CLVS1: variants seen among roughly 807,000 people sequenced by gnomAD.
The protein encoded by CLVS1 is clavesin-1.
CLVS1 carries 10 observed loss-of-function variants against 33.1 expected under a neutral mutation model. That is an observed-to-expected ratio of 0.30 (90% CI 0.19 to 0.51). The LOEUF is 0.51. Ranked by LOEUF, CLVS1 falls within the 20% of genes least tolerant of loss-of-function variation. The pLI, the probability that CLVS1 is intolerant of heterozygous loss-of-function variation, is 0.97. For synonymous variants in CLVS1, 163 were observed against 166.1 expected (o/e 0.98, Z 0.14); for missense variants, 343 against 433.4 (o/e 0.79, Z 1.85).
At chr8:61,499,407 C>T (rs1383982095) in intron 5 of CLVS1, 48 bp from the exon 6 acceptor site, 2 of 1,370,696 alleles carry the variant, frequency 1.5e-6, no homozygotes, top group South Asian at 2.3e-5. Flanking sequence ...CCAAAATTGT[C>T]ACCATGAATT....
At chr8:61,369,936 A>T (rs1358298831) in intron 2 of CLVS1, among the ~76,000 whole-genome samples, 2 of 152,210 alleles carry the variant, frequency 1.3e-5, no homozygotes. Flanking sequence ...GGCAAAGCAC[A>T]CTCTGAAACT....
At chr8:61,163,175 A>T (rs1402647212) in intron 2 of CLVS1, among the ~76,000 whole-genome samples, 1 of 152,170 alleles carries the variant, frequency 6.6e-6, no homozygotes. Flanking sequence ...GAGACCAGAG[A>T]CACTGCACAG....
intron 2 of CLVS1, among the ~76,000 whole-genome samples, chr8:61,281,626 G>T (rs754046217): frequency 6.6e-6 from 1 of 152,118 alleles, no homozygotes; most frequent in Non-Finnish European, 1.5e-5. Flanking sequence ...GTATTTTGTC[G>T]TGGCAACCCT....
rs375025925 is a variant in CLVS1 at position 61,447,031 on chromosome 8, T to C, written c.631-7110T>C. Among the ~76,000 whole-genome samples, 8 of 152,186 alleles carry C rather than the reference T, an allele frequency of 5.3e-5. 1 individual carries two copies. The highest frequency in any genetic ancestry group is 2.0e-4 in the Admixed American group (3 of 15,268). ...ATTGTTTATCTTTGTGTATGTTCTA[T>C]GTGCACTTGAAAAACAAAGTATATT... On this transcript the variant is annotated intron_variant, in intron 3 of 5. Coordinates refer to ENST00000325897, the MANE Select transcript of CLVS1 (RefSeq NM_173519.3).
intron 2 of CLVS1, among the ~76,000 whole-genome samples, chr8:61,268,186 TC>T: frequency 9.2e-6 from 1 of 109,186 alleles, no homozygotes; most frequent in Non-Finnish European, 1.7e-5. Context: ...CCCACAACAG[TC>T]CCCGGAGTGT....
intron 2 of CLVS1, among the ~76,000 whole-genome samples, chr8:61,267,618 T>A (rs1809337862): frequency 6.6e-6 from 1 of 152,226 alleles, no homozygotes; most frequent in Non-Finnish European, 1.5e-5. Context: ...AGCTGTGATT[T>A]AAAAAGCAAA....
rs1275651562 is a variant in CLVS1, at chr8:61,477,923, T to C, written c.977+19381T>C. Among the ~76,000 whole-genome samples the C allele has an allele frequency of 2.6e-5, 4 of 152,284 alleles. No homozygotes were observed. In the East Asian group the frequency reaches 5.8e-4, roughly 22 times the overall value. On this transcript the variant is annotated intron_variant, in intron 5 of 5. Coordinates refer to ENST00000325897, the MANE Select transcript of CLVS1 (RefSeq NM_173519.3). ...CAATTTTAGATCTTTTCTGCTTTCT[T>C]TTGTGGGCATTTAGTGCTATAAATT... is the stretch of plus-strand genomic sequence containing the variant.
chr8:61,480,296 C>T (rs1022146662), intron 5 of CLVS1, among the ~76,000 whole-genome samples: 1 of 152,218 alleles, frequency 6.6e-6, no homozygotes, highest in Non-Finnish European at 1.5e-5. Context: ...GCACCCCTCC[C>T]CCAGCCTCGC....
intron 2 of CLVS1, among the ~76,000 whole-genome samples, chr8:61,353,246 AT>A (rs1463725885): frequency 2.6e-5 from 4 of 152,062 alleles, no homozygotes; most frequent in Non-Finnish European, 5.9e-5. Flanking sequence ...CAAGGTACAC[AT>A]TTTTTAAAGT....
At chr8:61,189,154 A>G (rs1451483699) in intron 2 of CLVS1, among the ~76,000 whole-genome samples, 1 of 152,222 alleles carries the variant, frequency 6.6e-6, no homozygotes, top group African/African-American at 2.4e-5. Context: ...AGGGAAGCCC[A>G]TCAGACTAAC....
intron 1 of CLVS1, among the ~76,000 whole-genome samples, chr8:61,130,888 G>A (rs1336605076): frequency 6.6e-6 from 1 of 152,208 alleles, no homozygotes; most frequent in Admixed American, 6.5e-5. Flanking sequence ...AGAGGCCTAA[G>A]ATAGTTCTAA....
chr8:61,225,813 G>A (rs932764434), intron 2 of CLVS1, among the ~76,000 whole-genome samples: 1 of 152,172 alleles, frequency 6.6e-6, no homozygotes, highest in Non-Finnish European at 1.5e-5. Flanking sequence ...ATGATTAGTT[G>A]GAATTAATAG....
At chr8:61,100,448 C>T (rs1805428249) in intron 1 of CLVS1, among the ~76,000 whole-genome samples, 2 of 152,142 alleles carry the variant, frequency 1.3e-5, no homozygotes, top group African/African-American at 2.4e-5. Flanking sequence ...GCTTCTTTGT[C>T]TTCCCCACAA....
At position 61,122,994 on chromosome 8, in the gene CLVS1, G is replaced by T. The variant is rs145913952; in HGVS notation, c.-242-8776G>T. 9.0e-5 allele frequency among the ~76,000 whole-genome samples: 13 copies of T among 144,402 alleles called. 1 individual carries two copies. The highest frequency in any genetic ancestry group is 3.3e-4 in the African/African-American group (13 of 39,808). 94.7% of individuals were successfully genotyped at this position (144,402 alleles called of 152,430 possible). On this transcript the variant is annotated intron_variant, in intron 1 of 2. Transcript: ENST00000522621. ...CTTTAAAAAGTCTCATAGTGGCCAG[G>T]CACGGTGGCTCACACCTGTAATCCC...
chr8:61,374,687 C>T (rs1465841530), intron 2 of CLVS1, among the ~76,000 whole-genome samples: 2 of 152,044 alleles, frequency 1.3e-5, no homozygotes, highest in Non-Finnish European at 2.9e-5. Flanking sequence ...TGAAAGGAAA[C>T]CATAATGACA....
intron 2 of CLVS1, among the ~76,000 whole-genome samples, chr8:61,262,271 C>A (rs897882976): frequency 1.3e-5 from 2 of 152,106 alleles, no homozygotes; most frequent in Admixed American, 1.3e-4. Flanking sequence ...CTGCCTCAAC[C>A]TCTGGACTAG....
At chr8:61,166,566 G>A (rs1232085434) in intron 2 of CLVS1, among the ~76,000 whole-genome samples, 1 of 151,086 alleles carries the variant, frequency 6.6e-6, no homozygotes, top group African/African-American at 2.4e-5. Context: ...TGTTTCAATT[G>A]TTTGTTTGCT....
chr8:61,244,493 A>T (rs1808767811), intron 2 of CLVS1, among the ~76,000 whole-genome samples: 1 of 152,170 alleles, frequency 6.6e-6, no homozygotes. Flanking sequence ...AGTTAAGTCA[A>T]GTTTTAATGT....
intron 2 of CLVS1, among the ~76,000 whole-genome samples, chr8:61,226,648 G>A (rs950206243): frequency 1.3e-5 from 2 of 152,238 alleles, no homozygotes; most frequent in East Asian, 1.9e-4. Context: ...ATAAAATTTC[G>A]AGTGAATGAA....
Sources: allele counts gnomAD v4.1 joint callset (sites outside exome capture counted in the v4.1 genomes callset), GRCh38; gene constraint gnomAD v4.1.1; transcripts MANE v1.5; gene names NCBI Gene and HGNC (gene_info 2026-07-23, HGNC 2026-07-21).